ARSG: variants seen among roughly 807,000 people sequenced by gnomAD.
ARSG encodes the protein ASG.
ARSG carries 37 observed loss-of-function variants against 50.5 expected under a neutral mutation model. The observed-to-expected ratio is 0.73, with a 90% CI of 0.56 to 0.96. The LOEUF is 0.96. Ranked by LOEUF, ARSG falls within the 50% of genes least tolerant of loss-of-function variation. The pLI, the probability that ARSG is intolerant of heterozygous loss-of-function variation, is 0.00. For synonymous variants in ARSG, 225 were observed against 254.6 expected (o/e 0.88, Z 1.11); for missense variants, 629 against 675.3 (o/e 0.93, Z 0.76).
At chr17:68,443,648 G>C in the ARSG span, among the ~76,000 whole-genome samples, 1 of 152,204 alleles carries the variant, frequency 6.6e-6, no homozygotes, top group Non-Finnish European at 1.5e-5. Context: ...AGGTGACTTG[G>C]ATGGCACCCA....
the ARSG span, among the ~76,000 whole-genome samples, chr17:68,450,260 G>A: frequency 6.6e-6 from 1 of 152,224 alleles, no homozygotes; most frequent in South Asian, 2.1e-4. Flanking sequence ...AGGACGTGGT[G>A]GGAGAAGGGC....
intron 1 of ARSG, chr17:68,270,955 GTCCCTCCTATTGT>G: frequency 6.2e-7 from 1 of 1,614,162 alleles, no homozygotes; most frequent in Non-Finnish European, 8.5e-7. Flanking sequence ...TGGAATGTGA[GTCCCTCCTATTGT>G]TCCAACCATA....
rs1004095708 is a variant in ARSG, at chr17:68,323,692, G to A, written c.218+15981G>A. 2.6e-5 allele frequency among the ~76,000 whole-genome samples: 4 copies of A among 152,088 alleles called. No homozygotes were observed. The South Asian group carries it at 6.2e-4, about 24-fold the overall frequency. On this transcript the variant is annotated intron_variant, in intron 2 of 11. Transcript: ENST00000621439. ...ATTCGGGTTTCCACATATGAATTTC[G>A]GAGGGACACAAACATTCAGTCCATG...
At chr17:68,320,231 A>G (rs2077228129) in intron 2 of ARSG, among the ~76,000 whole-genome samples, 1 of 151,978 alleles carries the variant, frequency 6.6e-6, no homozygotes, top group African/African-American at 2.4e-5. Flanking sequence ...TGGAGGTTGC[A>G]GTGAGCCGAG....
At chr17:68,428,228 G>GTTTTTTTT in the ARSG span, 1 of 135,968 alleles carries the variant, frequency 7.4e-6, no homozygotes, top group Non-Finnish European at 1.6e-5. Context: ...CAGGGAATAG[G>GTTTTTTTT]TTTTTTTTTT....
chr17:68,371,352 A>C (rs1033492436), intron 8 of ARSG, among the ~76,000 whole-genome samples: 2 of 149,800 alleles, frequency 1.3e-5, no homozygotes, highest in African/African-American at 2.5e-5. Context: ...AGAGAGGCTC[A>C]GAGAGGGTAA....
At chr17:68,347,219 G>T (rs2078555027) in intron 4 of ARSG, 47 bp downstream of exon 4, 3 of 1,588,960 alleles carry the variant, frequency 1.9e-6, no homozygotes, top group East Asian at 2.2e-5. Flanking sequence ...AGAAAATAAA[G>T]GTCTCTGTGT....
chr17:68,265,363 G>A (rs142562195), intron 1 of ARSG, among the ~76,000 whole-genome samples: 1 of 149,194 alleles, frequency 6.7e-6, no homozygotes, highest in East Asian at 2.0e-4. Context: ...GTGTGGTGGT[G>A]CACGCCTGTA....
At chr17:68,273,235 G>A (rs1162691178) in intron 1 of ARSG, among the ~76,000 whole-genome samples, 1 of 151,410 alleles carries the variant, frequency 6.6e-6, no homozygotes, top group Non-Finnish European at 1.5e-5. Context: ...AACAGACAGG[G>A]TCTCACTCTG....
chr17:68,406,207 C>T (rs1320046669), intron 11 of ARSG, among the ~76,000 whole-genome samples: 3 of 152,214 alleles, frequency 2.0e-5, no homozygotes, highest in African/African-American at 7.2e-5. Flanking sequence ...CAGGTTGCTG[C>T]AAATGCTGTT....
At chr17:68,400,011 C>T (rs1255942915) in intron 10 of ARSG, 3 of 152,242 alleles carry the variant, frequency 2.0e-5, no homozygotes, top group Admixed American at 6.5e-5. Context: ...GGGATTGTCA[C>T]GAGAACCTGG....
the ARSG span, chr17:68,434,478 C>T: frequency 3.1e-5 from 46 of 1,497,818 alleles, no homozygotes; most frequent in Non-Finnish European, 4.1e-5. Flanking sequence ...ACTCTCTGTC[C>T]TCTCCCTAGA....
Position 68,341,245 on chromosome 17 carries a change from CGTTTTTT to C in ARSG, c.219-2344_219-2338del, listed in dbSNP as rs773321854. 9.2e-5 allele frequency among the ~76,000 whole-genome samples: 14 copies of C among 152,194 alleles called. No individual in the cohort carries two copies. In the East Asian group the frequency reaches 1.5e-3, roughly 17 times the overall value. ...ATATGATTGGATTTATTTGTTTCAGCGTTTTTTGTTTTTTGTTTTTTAATTATAGGGT... is the reference window on the plus strand; with the variant it reads ...ATATGATTGGATTTATTTGTTTCAGCGTTTTTTGTTTTTTAATTATAGGGT... On this transcript the variant is annotated intron_variant, in intron 2 of 11. Coordinates refer to ENST00000621439, the MANE Select transcript of ARSG (RefSeq NM_001267727.2).
chr17:68,444,642 G>C, the ARSG span: 1 of 1,455,164 alleles, frequency 6.9e-7, no homozygotes, highest in Admixed American at 2.0e-5. Flanking sequence ...CAAAGACCCT[G>C]ACCAAATCCA....
chr17:68,261,591 C>G (rs781931423), intron 1 of ARSG, among the ~76,000 whole-genome samples: 4 of 152,032 alleles, frequency 2.6e-5, no homozygotes, highest in Non-Finnish European at 4.4e-5. Context: ...GTTGACCAGG[C>G]TAGTCTCAAA....
chr17:68,315,378 C>CA (rs1167251961), intron 2 of ARSG, among the ~76,000 whole-genome samples: 2 of 151,998 alleles, frequency 1.3e-5, no homozygotes, highest in East Asian at 1.9e-4. Flanking sequence ...TTCATCTCTA[C>CA]AAAAAAATCA....
intron 11 of ARSG, among the ~76,000 whole-genome samples, chr17:68,401,996 C>G (rs756645178): frequency 2.0e-5 from 3 of 152,152 alleles, no homozygotes; most frequent in Non-Finnish European, 4.4e-5. Flanking sequence ...CTCTCAATCC[C>G]GAGTCCTACT....
At chr17:68,331,217 C>CTTTA (rs1355975177) in intron 2 of ARSG, among the ~76,000 whole-genome samples, 1 of 40,474 alleles carries the variant, frequency 2.5e-5, no homozygotes, top group Admixed American at 2.4e-4. Context: ...TTCTTTCTTT[C>CTTTA]TTTCTTTCTT....
At chr17:68,346,375 TAC>T (rs1163032554) in intron 3 of ARSG, among the ~76,000 whole-genome samples, 8 of 152,218 alleles carry the variant, frequency 5.3e-5, no homozygotes. Context: ...TACTTAGACA[TAC>T]TCCTGTGGTT....
Sources: allele counts gnomAD v4.1 joint callset (sites outside exome capture counted in the v4.1 genomes callset), GRCh38; gene constraint gnomAD v4.1.1; transcripts MANE v1.5; gene names NCBI Gene and HGNC (gene_info 2026-07-23, HGNC 2026-07-21).